The following ENTREP2 variants were observed in gnomAD, a reference collection of about 807,000 sequenced individuals.
ENTREP2 encodes protein ENTREP2.
the ENTREP2 span, among the ~76,000 whole-genome samples, chr15:29,137,881 G>C: frequency 6.6e-6 from 1 of 151,976 alleles, no homozygotes; most frequent in Admixed American, 6.6e-5. Flanking sequence ...ATTTCTCAAA[G>C]TGTGTTCATG....
the ENTREP2 span, among the ~76,000 whole-genome samples, chr15:29,243,789 C>T: frequency 1.3e-5 from 2 of 151,752 alleles, no homozygotes; most frequent in Non-Finnish European, 2.9e-5. Context: ...AAAAATGATC[C>T]CCAAAAAGAA....
At chr15:29,538,417 T>A in the ENTREP2 span, among the ~76,000 whole-genome samples, 20 of 151,884 alleles carry the variant, frequency 1.3e-4, no homozygotes, top group Non-Finnish European at 2.8e-4. Context: ...GAAATTATTA[T>A]AAGTTAGGTA....
the ENTREP2 span, among the ~76,000 whole-genome samples, chr15:29,349,008 A>G: frequency 6.6e-6 from 1 of 152,248 alleles, no homozygotes; most frequent in African/African-American, 2.4e-5. Flanking sequence ...TGAAGTTGCA[A>G]TTAACAAAAA....
At chr15:29,169,028 A>G in the ENTREP2 span, among the ~76,000 whole-genome samples, 2 of 152,340 alleles carry the variant, frequency 1.3e-5, no homozygotes, top group Admixed American at 1.3e-4. Flanking sequence ...GAAGAAAACT[A>G]TTTGCCATTT....
chr15:29,124,709 C>G, the ENTREP2 span: 6 of 1,550,776 alleles, frequency 3.9e-6, no homozygotes, highest in Non-Finnish European at 5.2e-6. Context: ...CAGCCTCAGA[C>G]AGTCCCGCTT....
At chr15:29,528,972 A>G in the ENTREP2 span, among the ~76,000 whole-genome samples, 1 of 151,572 alleles carries the variant, frequency 6.6e-6, no homozygotes. Context: ...CTTCTTGTAA[A>G]TTCTCCTTTG....
chr15:29,532,573 G>A, the ENTREP2 span, among the ~76,000 whole-genome samples: 1 of 152,124 alleles, frequency 6.6e-6, no homozygotes, highest in African/African-American at 2.4e-5. Context: ...GGTCACTGAT[G>A]TGCCAAACAG....
At chr15:29,496,710 T>TGTA in the ENTREP2 span, among the ~76,000 whole-genome samples, 1 of 152,268 alleles carries the variant, frequency 6.6e-6, no homozygotes, top group African/African-American at 2.4e-5. Context: ...GTTAATGTGT[T>TGTA]GTACCACACT....
the ENTREP2 span, among the ~76,000 whole-genome samples, chr15:29,415,724 A>G: frequency 6.6e-6 from 1 of 152,204 alleles, no homozygotes; most frequent in African/African-American, 2.4e-5. Context: ...CTGTTTGCAG[A>G]TGACATGATT....
chr15:29,557,019 C>A, the ENTREP2 span, among the ~76,000 whole-genome samples: 431 of 152,324 alleles, frequency 2.8e-3, 2 homozygotes, highest in African/African-American at 9.8e-3. Flanking sequence ...TGTCTATGAG[C>A]AAATAATCCA....
the ENTREP2 span, among the ~76,000 whole-genome samples, chr15:29,608,385 C>G: frequency 6.6e-6 from 1 of 152,086 alleles, no homozygotes; most frequent in East Asian, 1.9e-4. Flanking sequence ...CTGCTCCTTC[C>G]TTTCTTTCAT....
At chr15:29,211,238 A>G in the ENTREP2 span, among the ~76,000 whole-genome samples, 1 of 152,282 alleles carries the variant, frequency 6.6e-6, no homozygotes, top group South Asian at 2.1e-4. Context: ...TCTGCCCATC[A>G]TCCCCTCTAC....
At chr15:29,249,302 C>T in the ENTREP2 span, among the ~76,000 whole-genome samples, 1 of 152,110 alleles carries the variant, frequency 6.6e-6, no homozygotes, top group East Asian at 1.9e-4. Context: ...AGCAAGACTT[C>T]ATCTCAAAAA....
At chr15:29,508,451 G>T in the ENTREP2 span, among the ~76,000 whole-genome samples, 3 of 152,092 alleles carry the variant, frequency 2.0e-5, no homozygotes, top group Non-Finnish European at 4.4e-5. Context: ...AACAAGAAAA[G>T]AAAATTTCAG....
chr15:29,519,669 T>C, the ENTREP2 span, among the ~76,000 whole-genome samples: 1 of 152,188 alleles, frequency 6.6e-6, no homozygotes, highest in Non-Finnish European at 1.5e-5. Flanking sequence ...CTATTAGTAG[T>C]TAAGTTTGGG....
At chr15:29,176,153 T>C in the ENTREP2 span, among the ~76,000 whole-genome samples, 6 of 132,640 alleles carry the variant, frequency 4.5e-5, no homozygotes, top group Admixed American at 1.6e-4. Flanking sequence ...CCAGAAGTAA[T>C]GTCTCTAATC....
chr15:29,397,815 G>C, the ENTREP2 span, among the ~76,000 whole-genome samples: 2 of 152,052 alleles, frequency 1.3e-5, no homozygotes, highest in African/African-American at 4.8e-5. Context: ...GGAAAAAAGG[G>C]GGAACTTCCA....
At chr15:29,149,000 C>T in the ENTREP2 span, among the ~76,000 whole-genome samples, 21 of 152,226 alleles carry the variant, frequency 1.4e-4, no homozygotes, top group African/African-American at 4.8e-4. Context: ...CCTCAGCCTC[C>T]CGAGTAGCTG....
the ENTREP2 span, among the ~76,000 whole-genome samples, chr15:29,657,475 TGGGGGGGCGGGGGG>T: frequency 5.3e-4 from 2 of 3,808 alleles, 1 homozygote; most frequent in African/African-American, 2.6e-3. Flanking sequence ...CGCTGTCGGC[TGGGGGGGCGGGGGG>T]GGGGGGTGGC....
Sources: gnomAD v4.1 joint callset for allele counts (sites outside exome capture counted in the v4.1 genomes callset) on GRCh38, gnomAD v4.1.1 for gene constraint, MANE v1.5 for transcripts, NCBI Gene and HGNC (gene_info 2026-07-23, HGNC 2026-07-21) for gene names.